THSD7B: variants seen among roughly 807,000 people sequenced by gnomAD.
The protein encoded by THSD7B is thrombospondin type-1 domain-containing protein 7B.
THSD7B carries 138 observed loss-of-function variants against 213.6 expected under a neutral mutation model. The observed-to-expected ratio is 0.65, with a 90% confidence interval of 0.56 to 0.74. The LOEUF (loss-of-function observed/expected upper bound fraction) is 0.74, where lower values mean the gene tolerates loss of function less well. Ranked by LOEUF, THSD7B falls within the 30% of genes least tolerant of loss-of-function variation. The pLI is 0.00. For missense variants in THSD7B, 1,931 were observed against 1,991.5 expected (o/e 0.97, Z 0.58); for synonymous variants, 742 against 687.0 (o/e 1.08, Z -1.25).
chr2:136,908,446 A>G (rs1684204639), intron 2 of THSD7B, among the ~76,000 whole-genome samples: 1 of 152,218 alleles, frequency 6.6e-6, no homozygotes, highest in African/African-American at 2.4e-5. Context: ...GAACTAGAAT[A>G]TAATTGATAA....
intron 15 of THSD7B, among the ~76,000 whole-genome samples, chr2:137,531,750 G>T (rs1237428984): frequency 6.6e-6 from 1 of 151,924 alleles, no homozygotes; most frequent in East Asian, 1.9e-4. Flanking sequence ...AGGCATCTGT[G>T]TGACCCTTTC....
chr2:137,551,069 T>C (rs1680838009), intron 15 of THSD7B, among the ~76,000 whole-genome samples: 1 of 151,728 alleles, frequency 6.6e-6, no homozygotes, highest in South Asian at 2.1e-4. Context: ...AAGATAAAAA[T>C]ATATAAAGAT....
At chr2:137,315,362 C>T (rs572313317) in intron 12 of THSD7B, among the ~76,000 whole-genome samples, 5 of 152,286 alleles carry the variant, frequency 3.3e-5, no homozygotes, top group East Asian at 1.9e-4. Flanking sequence ...CGCCCTGCTT[C>T]GGCTCATGCA....
intron 15 of THSD7B, among the ~76,000 whole-genome samples, chr2:137,462,936 T>C (rs556314918): frequency 6.6e-6 from 1 of 151,978 alleles, no homozygotes; most frequent in South Asian, 2.1e-4. Flanking sequence ...CGGTAAGAGG[T>C]AAATCTTCTA....
chr2:137,087,382 T>A (rs183771665), intron 3 of THSD7B, among the ~76,000 whole-genome samples: 2 of 152,296 alleles, frequency 1.3e-5, no homozygotes, highest in Admixed American at 1.3e-4. Flanking sequence ...TGTCGCTATT[T>A]GCCGATGACA....
chr2:137,676,575 CT>C lies in THSD7B; in HGVS notation c.4793del (p.Leu1598Ter). On this transcript the variant is annotated frameshift_variant, in exon 28 of 28. Coordinates refer to ENST00000409968, the MANE Select transcript of THSD7B (RefSeq NM_001316349.2). LOFTEE classifies it high-confidence loss of function. ...CACCTCCCCAACAGAAGCCTCTGAC[CT>C]TAGCCTACGATGGAGACTTAGACAT... Reference protein sequence around the residue: ...STPPQQKPLTLAYDGDLDM With the variant: ...STPPQQKPLTXAYDGDLDM 6.3e-7 allele frequency: 1 copy of C among 1,595,328 alleles called. No individual in the cohort carries two copies. Among genetic ancestry groups the C allele is most frequent in the Admixed American group, 1.8e-5 (1 of 56,186 alleles).
At chr2:137,314,888 G>A (rs190891129) in intron 12 of THSD7B, among the ~76,000 whole-genome samples, 144 of 152,308 alleles carry the variant, frequency 9.5e-4, no homozygotes, top group African/African-American at 3.3e-3. Flanking sequence ...CTGCGTGCTG[G>A]GAGAACCACT....
At position 137,079,942 on chromosome 2, in the gene THSD7B, C is replaced by T. The variant is rs117996353; in HGVS notation, c.951-14931C>T. Among the ~76,000 whole-genome samples, 539 of 152,102 alleles carry T rather than the reference C, an allele frequency of 3.5e-3. 7 individuals carry two copies. In the East Asian group the frequency reaches 0.043, roughly 12 times the overall value. On this transcript the variant is annotated intron_variant, in intron 3 of 27. Transcript: ENST00000409968. ...GCAACCTCCATCTCCCGGATTCAGG[C>T]GATTCTCTTACCTCAGCCTCCTGAG...
At chr2:136,968,139 C>T (rs955473698) in intron 2 of THSD7B, among the ~76,000 whole-genome samples, 1 of 152,104 alleles carries the variant, frequency 6.6e-6, no homozygotes, top group Non-Finnish European at 1.5e-5. Context: ...TTTTAGAATG[C>T]ACTGACTGGG....
At chr2:137,221,208 A>G (rs1290281656) in intron 7 of THSD7B, among the ~76,000 whole-genome samples, 1 of 152,054 alleles carries the variant, frequency 6.6e-6, no homozygotes, top group African/African-American at 2.4e-5. Context: ...AATGGCTTGA[A>G]CCCGGGAGGC....
At chr2:137,617,673 T>A (rs1682432150) in intron 18 of THSD7B, among the ~76,000 whole-genome samples, 1 of 152,224 alleles carries the variant, frequency 6.6e-6, no homozygotes, top group South Asian at 2.1e-4. Flanking sequence ...CTGTCCTGGA[T>A]GCTATAACAA....
At chr2:137,075,544 G>C (rs1183867897) in intron 3 of THSD7B, among the ~76,000 whole-genome samples, 1 of 152,054 alleles carries the variant, frequency 6.6e-6, no homozygotes, top group African/African-American at 2.4e-5. Flanking sequence ...TCCTCCTGTA[G>C]CTCGGAGTAG....
rs10182200 is a variant in THSD7B at position 137,147,528 on chromosome 2, G to T, written c.1370-12685G>T. Among the ~76,000 whole-genome samples, 791 of 147,638 alleles carry T rather than the reference G, an allele frequency of 5.4e-3. 9 individuals are homozygous for T. The highest frequency in any genetic ancestry group is 0.018 in the African/African-American group (708 of 40,410). ...AGAGTTCTTACTTGGACCTTGTCTG[G>T]TTTTTTTTTTGTTTTTTGTCCCTTA... On this transcript the variant is annotated intron_variant, in intron 5 of 27. Transcript: ENST00000409968.
At chr2:136,939,094 C>CT (rs954623456) in intron 2 of THSD7B, among the ~76,000 whole-genome samples, 11 of 152,180 alleles carry the variant, frequency 7.2e-5, no homozygotes, top group South Asian at 4.1e-4. Flanking sequence ...TCCTAAATAT[C>CT]TTTTTTCAAG....
At chr2:136,781,584 G>C (rs138832117) in intron 1 of THSD7B, among the ~76,000 whole-genome samples, 4 of 152,014 alleles carry the variant, frequency 2.6e-5, no homozygotes, top group African/African-American at 9.7e-5. Flanking sequence ...CTACTTACCA[G>C]TTCTATTGGA....
chr2:137,494,932 T>C (rs1382136256), intron 15 of THSD7B, among the ~76,000 whole-genome samples: 2 of 152,216 alleles, frequency 1.3e-5, no homozygotes, highest in African/African-American at 4.8e-5. Flanking sequence ...TACCCATATT[T>C]TGTATCACCT....
chr2:137,010,449 G>T (rs1343779613), intron 2 of THSD7B, among the ~76,000 whole-genome samples: 2 of 151,992 alleles, frequency 1.3e-5, no homozygotes, highest in African/African-American at 2.4e-5. Context: ...TACCTCCCCT[G>T]ACACGGTTAT....
At chr2:137,089,345 TAC>T (rs1439004768) in intron 3 of THSD7B, among the ~76,000 whole-genome samples, 1 of 150,084 alleles carries the variant, frequency 6.7e-6, no homozygotes, top group Non-Finnish European at 1.5e-5. Context: ...TATGTATATA[TAC>T]ATATATGTGT....
chr2:137,301,982 C>T (rs1438936644), intron 12 of THSD7B, among the ~76,000 whole-genome samples: 1 of 152,036 alleles, frequency 6.6e-6, no homozygotes, highest in Non-Finnish European at 1.5e-5. Context: ...CAAGCAAGGA[C>T]ACCAGTTAGG....
Sources: allele counts gnomAD v4.1 joint callset (sites outside exome capture counted in the v4.1 genomes callset), GRCh38; gene constraint gnomAD v4.1.1; transcripts MANE v1.5; gene names NCBI Gene and HGNC (gene_info 2026-07-23, HGNC 2026-07-21).